The following EPS15L1 variants were observed in gnomAD, a reference collection of about 807,000 sequenced individuals.
EPS15L1 encodes epidermal growth factor receptor substrate 15-like 1.
In EPS15L1, 43 loss-of-function variants were observed where a neutral mutation model predicts 117.1. That is an observed-to-expected ratio of 0.37 (90% CI 0.29 to 0.47). EPS15L1 has a LOEUF of 0.47. Among genes scored for constraint, EPS15L1 ranks in the 20% least tolerant of loss-of-function variants. The pLI, the probability that EPS15L1 is intolerant of heterozygous loss-of-function variation, is 0.99. For missense variants in EPS15L1, 981 were observed against 1,164.0 expected (o/e 0.84, Z 2.29); for synonymous variants, 459 against 470.5 (o/e 0.98, Z 0.32).
rs2093348312 is a variant in EPS15L1, at chr19:16,471,772, G to GCCCA, written c.33+137_33+140dup. On this transcript the variant is annotated intron_variant, in intron 1 of 23. Transcript: ENST00000455140. The surrounding 1 kb of genome is among the most constrained non-coding windows in gnomAD (Gnocchi z 4.8). ...CGGCCTGTCACCTTCAGGGCCGCCTGCCCACCCGCCCGCCGCAAGCCCTTC... is the reference window on the plus strand; with the variant it reads ...CGGCCTGTCACCTTCAGGGCCGCCTGCCCACCCACCCGCCCGCCGCAAGCCCTTC... 1.0e-5 allele frequency: 3 copies of GCCCA among 297,572 alleles called. No individual in the cohort carries two copies. Among genetic ancestry groups the GCCCA allele is most frequent in the African/African-American group, 6.7e-5 (3 of 44,780 alleles). The allele number at this position is 297,572 out of a possible 1,614,324, so 18.4% of individuals were successfully genotyped here.
chr19:16,364,827 G>A lies in EPS15L1; in HGVS notation c.2381-2843C>T, dbSNP rs566727195. On this transcript the variant is annotated intron_variant, in intron 22 of 23. Coordinates refer to ENST00000455140, the MANE Select transcript of EPS15L1 (RefSeq NM_001258374.3). ...GAGGGCCCCTCACCTCCACCCTCCC[G>A]TCCCTAGAAGCCTCATCTCCCTATC... Among the ~76,000 whole-genome samples, 56 of 152,278 alleles carry A rather than the reference G, an allele frequency of 3.7e-4. No individual in the cohort carries two copies. In the South Asian group the frequency reaches 3.9e-3, roughly 11 times the overall value.
intron 2 of EPS15L1, 56 bp downstream of exon 2, chr19:16,442,122 T>G: frequency 6.5e-7 from 1 of 1,544,994 alleles, no homozygotes; most frequent in Non-Finnish European, 8.9e-7. Context: ...TTCTGTACTG[T>G]GCTTTCAGCT....
chr19:16,369,096 G>A (rs186501717), intron 22 of EPS15L1, among the ~76,000 whole-genome samples: 9 of 152,228 alleles, frequency 5.9e-5, no homozygotes, highest in South Asian at 2.1e-4. Flanking sequence ...CCCAACACAC[G>A]TCAACGTCTT....
At chr19:16,468,139 G>A (rs1056918848) in intron 1 of EPS15L1, among the ~76,000 whole-genome samples, 30 of 152,102 alleles carry the variant, frequency 2.0e-4, no homozygotes, top group African/African-American at 6.8e-4. Context: ...TCTCATTCGG[G>A]TGGGGCTAAG....
Position 16,471,916 on chromosome 19 carries a change from C to G in EPS15L1, c.30G>C (p.Gln10His). 7.7e-7 allele frequency: 1 copy of G among 1,301,828 alleles called. No homozygotes were observed. Among genetic ancestry groups the G allele is most frequent in the East Asian group, 3.1e-5 (1 of 31,812 alleles). The allele number at this position is 1,301,828 out of a possible 1,614,324, so 80.6% of individuals were successfully genotyped here. A position where few individuals can be genotyped will look rare whatever the true frequency, so the allele number is the denominator to read the frequency against. The change falls in exon 1 of 24, where the codon CAG becomes CAC. Residue 10 changes from glutamine to histidine, a missense_variant. By Grantham distance (24) the Gln-to-His change is conservative. This residue lies in a region of EPS15L1 where 37 missense variants were observed against 21.2 expected (regional missense o/e 1.75). Transcript: ENST00000455140. The surrounding 1 kb of genome is among the most constrained non-coding windows in gnomAD (Gnocchi z 4.8). ...CCCAGGCCCGCCCGGCCCGTACCTGCTGGGAGAGGGGGATGAGCGGCGCCG... is the reference window on the plus strand; with the variant it reads ...CCCAGGCCCGCCCGGCCCGTACCTGGTGGGAGAGGGGGATGAGCGGCGCCG... MAAPLIPLS[Q>H]QIPTGNSLYE...
chr19:16,377,384 C>T (rs1383844027), intron 21 of EPS15L1, 130 bp from the exon 22 acceptor site: 6 of 1,009,742 alleles, frequency 5.9e-6, no homozygotes, highest in Non-Finnish European at 8.7e-6. Context: ...CACAACATGG[C>T]CCTGCTTGGA....
At position 16,365,798 on chromosome 19, in the gene EPS15L1, A is replaced by G. The variant is rs914769859; in HGVS notation, c.2381-3814T>C. On this transcript the variant is annotated intron_variant, in intron 22 of 23. Transcript: ENST00000455140. This position sits in a 1 kb window ranked among gnomAD's most constrained non-coding sequence, Gnocchi z 4.9. ...ACGGCTGAGGGTCAGCTCTGTGAAA[A>G]GCGGGCCCAGCATACCACAAATGCC... 1.3e-5 allele frequency among the ~76,000 whole-genome samples: 2 copies of G among 152,114 alleles called. No individual in the cohort carries two copies. The highest frequency in any genetic ancestry group is 1.3e-4 in the Admixed American group (2 of 15,260).
chr19:16,411,515 A>C (rs1272163222), intron 13 of EPS15L1, among the ~76,000 whole-genome samples: 1 of 152,230 alleles, frequency 6.6e-6, no homozygotes, highest in Non-Finnish European at 1.5e-5. Context: ...AGTGATGGTT[A>C]ATCAACACGG....
intron 4 of EPS15L1, among the ~76,000 whole-genome samples, chr19:16,439,722 C>A (rs1313767261): frequency 1.3e-5 from 2 of 151,432 alleles, no homozygotes; most frequent in Admixed American, 1.3e-4. Flanking sequence ...AACAAACATG[C>A]AGACATGCAC....
chr19:16,413,429 T>A (rs1268035376), intron 13 of EPS15L1: 14 of 740,668 alleles, frequency 1.9e-5, no homozygotes, highest in Non-Finnish European at 3.3e-5. Context: ...ATGCCATCTC[T>A]AAGACCTACA....
At chr19:16,437,119 T>C in intron 5 of EPS15L1, 120 bp from the exon 6 acceptor site, 2 of 792,476 alleles carry the variant, frequency 2.5e-6, no homozygotes, top group East Asian at 5.0e-5. Flanking sequence ...CTTCACAAAG[T>C]TAAACACAGA....
At chr19:16,393,929 T>G (rs1299463430) in intron 18 of EPS15L1, 22 bp downstream of exon 18, 1 of 1,613,030 alleles carries the variant, frequency 6.2e-7, no homozygotes, top group Non-Finnish European at 8.5e-7. Context: ...TAAAGACCGG[T>G]CCGGGAAACA....
chr19:16,397,877 G>A (rs1363111685), intron 16 of EPS15L1, among the ~76,000 whole-genome samples: 1 of 152,104 alleles, frequency 6.6e-6, no homozygotes, highest in Non-Finnish European at 1.5e-5. Context: ...CACACCCTCA[G>A]TGAAAACATG....
intron 19 of EPS15L1, among the ~76,000 whole-genome samples, chr19:16,388,411 A>G (rs2092443113): frequency 6.6e-6 from 1 of 152,226 alleles, no homozygotes; most frequent in Non-Finnish European, 1.5e-5. Context: ...TAAACAGTAT[A>G]AACACCAAGA....
At chr19:16,395,038 A>G (rs1187248662) in intron 17 of EPS15L1, among the ~76,000 whole-genome samples, 1 of 151,938 alleles carries the variant, frequency 6.6e-6, no homozygotes, top group Non-Finnish European at 1.5e-5. Context: ...TGGGCAACAC[A>G]GTGAAACCCC....
chr19:16,435,604 G>A lies in EPS15L1; in HGVS notation c.373-1114C>T, dbSNP rs180672385. Among the ~76,000 whole-genome samples, 184 of 152,082 alleles carry A rather than the reference G, an allele frequency of 1.2e-3. 2 individuals are homozygous for A. In the Middle Eastern group the frequency reaches 0.024, roughly 20 times the overall value. ...AGAGATGAGATCACCGGCAGACACC[G>A]CATGCTTTCACAGCTGTTGGTGCTA... On this transcript the variant is annotated intron_variant, in intron 6 of 23. Coordinates refer to ENST00000455140, the MANE Select transcript of EPS15L1 (RefSeq NM_001258374.3).
In EPS15L1 at chr19:16,434,353, T is replaced by C. The variant is rs1196222834; in HGVS notation, c.498+12A>G. Reference sequence around the variant, plus strand: ...ACTGAGTGCAGAAGAACCAAGCCCGTGGCCCACTTACCCTGCCCAGGACAT... The same window carrying C: ...ACTGAGTGCAGAAGAACCAAGCCCGCGGCCCACTTACCCTGCCCAGGACAT... On this transcript the variant is annotated intron_variant, in intron 7 of 23. Coordinates refer to ENST00000455140, the MANE Select transcript of EPS15L1 (RefSeq NM_001258374.3). 1 of 1,612,664 alleles carries C rather than the reference T, an allele frequency of 6.2e-7. No individual in the cohort carries two copies. The highest frequency in any genetic ancestry group is 8.5e-7 in the Non-Finnish European group (1 of 1,179,542).
chr19:16,433,378 C>G (rs946406879), intron 7 of EPS15L1, among the ~76,000 whole-genome samples: 2 of 152,004 alleles, frequency 1.3e-5, no homozygotes, highest in Non-Finnish European at 2.9e-5. Context: ...GTTATCCACC[C>G]ACCTCGGCCT....
chr19:16,361,741 G>T (rs373897585), intron 23 of EPS15L1, 38 bp downstream of exon 23: 1 of 1,577,260 alleles, frequency 6.3e-7, no homozygotes. Context: ...GCAAGCGGAA[G>T]GGAGTGGGGT....
Sources: gnomAD v4.1 joint callset for allele counts (sites outside exome capture counted in the v4.1 genomes callset) on GRCh38, gnomAD v4.1.1 for gene constraint, gnomAD v4.1.1 regional missense constraint, Gnocchi (gnomAD v3.1) non-coding constraint, MANE v1.5 for transcripts, NCBI Gene and HGNC (gene_info 2026-07-23, HGNC 2026-07-21) for gene names.